The following SLITRK5 variants were observed in gnomAD, a reference collection of about 807,000 sequenced individuals.
SLITRK5 encodes the protein SLIT and NTRK like family member 5.
Under a neutral mutation model 56.2 loss-of-function variants are expected in SLITRK5, and 23 were observed. The ratio of observed to expected loss-of-function variants is 0.41; its 90% CI spans 0.29 to 0.58. SLITRK5 has a LOEUF of 0.58. Ranked by LOEUF, SLITRK5 falls within the 20% of genes least tolerant of loss-of-function variation. The pLI, the probability that SLITRK5 is intolerant of heterozygous loss-of-function variation, is 0.30. For missense variants in SLITRK5, 1,289 were observed against 1,226.6 expected (o/e 1.05, Z -0.76); for synonymous variants, 637 against 531.8 (o/e 1.20, Z -2.72).
Position 87,678,138 on chromosome 13 carries a change from A to ACAG in SLITRK5, c.2752_2754dup (p.Ser918dup), listed in dbSNP as rs1877381727. 5 of 1,614,110 alleles carry ACAG rather than the reference A, an allele frequency of 3.1e-6. No homozygotes were observed. The highest frequency in any genetic ancestry group is 3.3e-5 in the Admixed American group (2 of 60,014). On this transcript the variant is annotated inframe_insertion, in exon 2 of 2. Transcript: ENST00000683689. ...AGCAGGCTACGGGAACCGGTGCTCT[A>ACAG]CAGCCCCCCGAGTGCTGTCTTTGTA...
chr13:87,677,950 T>C lies in SLITRK5; in HGVS notation c.2562T>C (p.Phe854=), dbSNP rs1242182055. 2.5e-6 allele frequency: 4 copies of C among 1,613,914 alleles called. No individual in the cohort carries two copies. The South Asian group carries it at 3.3e-5, about 13-fold the overall frequency. Residue 854 remains phenylalanine, a synonymous_variant, in exon 2 of 2, where the codon TTT becomes TTC. Transcript: ENST00000683689. This position sits in a 1 kb window ranked among gnomAD's most constrained non-coding sequence, Gnocchi z 4.7. Reference sequence around the variant, plus strand: ...CGCCGGTGCAGGACGCCGACCGCTTTTACAGGGGCATTTTAGAACCAGACA... The same window carrying C: ...CGCCGGTGCAGGACGCCGACCGCTTCTACAGGGGCATTTTAGAACCAGACA... ...LLSPVQDADR[F]YRGILEPDKH...
At chr13:87,672,466 C>T (rs1449910091) in intron 1 of SLITRK5, 1 of 150,432 alleles carries the variant, frequency 6.6e-6, no homozygotes, top group African/African-American at 2.4e-5. Flanking sequence ...CGGCCCCTAC[C>T]GCGAGGCGCC....
At position 87,678,296 on chromosome 13, in the gene SLITRK5, T is replaced by A; in HGVS notation, c.*31T>A. Reference sequence around the variant, plus strand: ...AAGAAACTCTCTTGGAGCTTTTGCATTTAAAACAAACAAGCAAGCAGACAC... The same window carrying A: ...AAGAAACTCTCTTGGAGCTTTTGCAATTAAAACAAACAAGCAAGCAGACAC... On this transcript the variant is annotated 3_prime_UTR_variant, in exon 2 of 2. Coordinates refer to ENST00000683689, the MANE Select transcript of SLITRK5 (RefSeq NM_001384609.1). 1 of 1,553,632 alleles carries A rather than the reference T, an allele frequency of 6.4e-7. No homozygotes were observed. Among genetic ancestry groups the A allele is most frequent in the Non-Finnish European group, 8.7e-7 (1 of 1,146,828 alleles).
rs1040655794 is a variant in SLITRK5 at position 87,671,868 on chromosome 13, C to A, written c.-350C>A. 5.5e-4 allele frequency among the ~76,000 whole-genome samples: 84 copies of A among 152,134 alleles called. No individual in the cohort carries two copies. The highest frequency in any genetic ancestry group is 1.7e-3 in the African/African-American group (72 of 41,524). On this transcript the variant is annotated 5_prime_UTR_variant, in exon 1 of 2. Transcript: ENST00000683689. ...CGGTGGTCGCCGCTGCGCTGGGGGG[C>A]GGAGGACAGCGCAGGAGCTGCAGCC...
chr13:87,679,381 T>C lies in SLITRK5; in HGVS notation c.*1116T>C, dbSNP rs1052358640. On this transcript the variant is annotated 3_prime_UTR_variant, in exon 2 of 2. Coordinates refer to ENST00000683689, the MANE Select transcript of SLITRK5 (RefSeq NM_001384609.1). ...CTATTGTAGCCGATTTTCGATTGTT[T>C]AACCAAACCCAGTTGCATTTGTACA... The C allele has an allele frequency of 1.2e-5, 2 of 167,038 alleles. No individual in the cohort carries two copies. The highest frequency in any genetic ancestry group is 1.3e-4 in the Admixed American group (2 of 15,268). The allele number at this position is 167,038 out of a possible 1,614,324, so 10.3% of individuals were successfully genotyped here. A position where few individuals can be genotyped will look rare whatever the true frequency, so the allele number is the denominator to read the frequency against.
rs777044455 is a variant in SLITRK5, at chr13:87,677,626, C to G, written c.2238C>G (p.Gly746=). ...PALPKVKTPA[G]HVYEYIPHPL... The stretch of plus-strand genomic sequence containing the variant: ...TGCCCAAGGTGAAGACGCCCGCGGG[C>G]CACGTGTATGAATACATCCCCCACC... Residue 746 remains glycine (G), a synonymous_variant, in exon 2 of 2, where the codon GGC becomes GGG. Coordinates refer to ENST00000683689, the MANE Select transcript of SLITRK5 (RefSeq NM_001384609.1). This position sits in a 1 kb window ranked among gnomAD's most constrained non-coding sequence, Gnocchi z 4.7. 3.4e-5 allele frequency: 55 copies of G among 1,609,368 alleles called. No individual in the cohort carries two copies. Among genetic ancestry groups the G allele is most frequent in the Non-Finnish European group, 4.4e-5 (52 of 1,176,722 alleles).
Position 87,675,696 on chromosome 13 carries a change from A to G in SLITRK5, c.308A>G (p.Asn103Ser), listed in dbSNP as rs1877243132. The G allele has an allele frequency of 6.2e-7, 1 of 1,614,130 alleles. No homozygotes were observed. Among genetic ancestry groups the G allele is most frequent in the Non-Finnish European group, 8.5e-7 (1 of 1,180,026 alleles). Reference protein sequence around the residue: ...LNRLYPNEFVNYTGASILHLG... With the variant: ...LNRLYPNEFVSYTGASILHLG... ...CGTCTCTATCCCAATGAGTTTGTCA[A>G]TTACACTGGGGCTTCAATTTTGCAT... The change falls in exon 2 of 2, where the codon AAT becomes AGT. Residue 103 changes from asparagine to serine, a missense_variant. Around this residue, in one of 3 missense-constraint regions of SLITRK5, gnomAD observed 291 missense variants for 286.7 expected, o/e 1.02. Transcript: ENST00000683689.
chr13:87,672,892 TG>T, intron 1 of SLITRK5: 1 of 162,234 alleles, frequency 6.2e-6, no homozygotes, highest in African/African-American at 2.4e-5. Context: ...TGTGTGTGTG[TG>T]TGTGTGTGTG....
chr13:87,676,324 A>T lies in SLITRK5; in HGVS notation c.936A>T (p.Ser312=). ...TTGYLHTTPA[S]VNSVATSSSA... is the part of the protein sequence containing the mutation. ...GGTATTTACACACCACCCCGGCGTC[A>T]GTGAATTCTGTGGCCACTTCTTCCT... The change falls in exon 2 of 2, where the codon TCA becomes TCT. Residue 312 remains serine (S), a synonymous_variant. Transcript: ENST00000683689. 1 of 1,614,094 alleles carries T rather than the reference A, an allele frequency of 6.2e-7. No individual in the cohort carries two copies. Among genetic ancestry groups the T allele is most frequent in the South Asian group, 1.1e-5 (1 of 91,084 alleles).
chr13:87,677,016 T>C lies in SLITRK5; in HGVS notation c.1628T>C (p.Leu543Ser). ...CTGAGGAGTAACCACTTCACCTCCTTGCCAGTGAGTGGAGTTTTGGACCAG... is the reference window on the plus strand; with the variant it reads ...CTGAGGAGTAACCACTTCACCTCCTCGCCAGTGAGTGGAGTTTTGGACCAG... ...LNLRSNHFTS[L>S]PVSGVLDQLK... Residue 543 changes from leucine (L) to serine (S), a missense_variant, in exon 2 of 2, where the codon TTG becomes TCG. By Grantham distance (145) the Leu-to-Ser change is moderately radical (BLOSUM62 -2). Around this residue, in one of 3 missense-constraint regions of SLITRK5, gnomAD observed 985 missense variants for 906.0 expected, o/e 1.09. Coordinates refer to ENST00000683689, the MANE Select transcript of SLITRK5 (RefSeq NM_001384609.1). The surrounding 1 kb of genome is among the most constrained non-coding windows in gnomAD (Gnocchi z 4.7). 1 of 1,614,090 alleles carries C rather than the reference T, an allele frequency of 6.2e-7. No homozygotes were observed. The highest frequency in any genetic ancestry group is 8.5e-7 in the Non-Finnish European group (1 of 1,180,006).
Position 87,679,470 on chromosome 13 carries a change from C to A in SLITRK5, c.*1205C>A, listed in dbSNP as rs1016594851. The stretch of plus-strand genomic sequence containing the variant: ...GACTGTACAAGTCTCTATACAATGT[C>A]TTTATCCCTGTGGGCAGCAAGCAAT... On this transcript the variant is annotated 3_prime_UTR_variant, in exon 2 of 2. Transcript: ENST00000683689. 2 of 166,918 alleles carry A rather than the reference C, an allele frequency of 1.2e-5. No individual in the cohort carries two copies. The highest frequency in any genetic ancestry group is 4.8e-5 in the African/African-American group (2 of 41,420). The allele number at this position is 166,918 out of a possible 1,614,324, so 10.3% of individuals were successfully genotyped here. A position where few individuals can be genotyped will look rare whatever the true frequency, so the allele number is the denominator to read the frequency against.
Position 87,678,332 on chromosome 13 carries a change from C to T in SLITRK5, c.*67C>T, listed in dbSNP as rs1877392387. 1 of 1,395,136 alleles carries T rather than the reference C, an allele frequency of 7.2e-7. No homozygotes were observed. The highest frequency in any genetic ancestry group is 1.3e-5 in the South Asian group (1 of 74,126). 86.4% of individuals were successfully genotyped at this position (1,395,136 alleles called of 1,614,324 possible). On this transcript the variant is annotated 3_prime_UTR_variant, in exon 2 of 2. Coordinates refer to ENST00000683689, the MANE Select transcript of SLITRK5 (RefSeq NM_001384609.1). ...CAAGCAAGCAGACACACACAGTGAACACATTTGATTAATTGTGTTGTTTCA... is the reference window on the plus strand; with the variant it reads ...CAAGCAAGCAGACACACACAGTGAATACATTTGATTAATTGTGTTGTTTCA...
rs763921593 is a variant in SLITRK5 at position 87,676,792 on chromosome 13, G to A, written c.1404G>A (p.Arg468=). The A allele has an allele frequency of 1.2e-5, 19 of 1,613,966 alleles. No individual in the cohort carries two copies. The highest frequency in any genetic ancestry group is 1.4e-5 in the Non-Finnish European group (17 of 1,180,034). ...GGCGCCTCTACCTGAATGGCAACAG[G>A]ATCGAGAGGCTGAGCCCGGAGTTAT... ...NLRRLYLNGN[R]IERLSPELFY... is the part of the protein sequence containing the mutation. The change falls in exon 2 of 2, where the codon AGG becomes AGA. Residue 468 remains arginine (R), a synonymous_variant. Transcript: ENST00000683689.
At chr13:87,673,929 G>A (rs1243687673) in intron 1 of SLITRK5, among the ~76,000 whole-genome samples, 4 of 151,922 alleles carry the variant, frequency 2.6e-5, no homozygotes, top group Admixed American at 2.6e-4. Flanking sequence ...AAAAGGCATA[G>A]GTTCCTAGAG....
At position 87,677,255 on chromosome 13, in the gene SLITRK5, C is replaced by G. The variant is rs1391918381; in HGVS notation, c.1867C>G (p.Pro623Ala). ...PDYSDVVVST[P>A]TPSSIQVPAR... Reference sequence around the variant, plus strand: ...CTATTCAGATGTAGTAGTTTCCACGCCCACACCCTCCTCTATCCAGGTCCC... The same window carrying G: ...CTATTCAGATGTAGTAGTTTCCACGGCCACACCCTCCTCTATCCAGGTCCC... Residue 623 changes from proline (P) to alanine (A), a missense_variant, in exon 2 of 2, where the codon CCC becomes GCC. Pro to Ala is a conservative substitution (Grantham distance 27, BLOSUM62 -1). Transcript: ENST00000683689. The surrounding 1 kb of genome is among the most constrained non-coding windows in gnomAD (Gnocchi z 4.7). The G allele has an allele frequency of 6.2e-7, 1 of 1,614,180 alleles. No homozygotes were observed. The highest frequency in any genetic ancestry group is 8.5e-7 in the Non-Finnish European group (1 of 1,180,042).
Position 87,677,887 on chromosome 13 carries a change from C to T in SLITRK5, c.2499C>T (p.Tyr833=). 1 of 1,612,548 alleles carries T rather than the reference C, an allele frequency of 6.2e-7. No homozygotes were observed. The highest frequency in any genetic ancestry group is 1.1e-5 in the South Asian group (1 of 91,000). The part of the protein sequence containing the change: ...RESHHLRSPA[Y]SVSTIEPRED... ...GCCACCACTTGCGGAGCCCCGCCTA[C>T]AGCGTCAGCACCATCGAGCCCCGGG... Residue 833 remains tyrosine (Y), a synonymous_variant, in exon 2 of 2, where the codon TAC becomes TAT. Coordinates refer to ENST00000683689, the MANE Select transcript of SLITRK5 (RefSeq NM_001384609.1). The surrounding 1 kb of genome is among the most constrained non-coding windows in gnomAD (Gnocchi z 4.7).
In SLITRK5 at chr13:87,672,193, C is replaced by G. The variant is rs554528027; in HGVS notation, c.-25C>G. ...CAGCTGGGTCGGAGAAAGTTGCCCC[C>G]TATGCAGATGGCAACTGTGAGTACC... On this transcript the variant is annotated 5_prime_UTR_variant, in exon 1 of 2. Transcript: ENST00000683689. Among the ~76,000 whole-genome samples, 1 of 152,116 alleles carries G rather than the reference C, an allele frequency of 6.6e-6. No homozygotes were observed. Among genetic ancestry groups the G allele is most frequent in the East Asian group, 2.0e-4 (1 of 5,098 alleles).
Position 87,677,103 on chromosome 13 carries a change from T to A in SLITRK5, c.1715T>A (p.Val572Glu), listed in dbSNP as rs1033879661. 1 of 1,614,152 alleles carries A rather than the reference T, an allele frequency of 6.2e-7. No homozygotes were observed. The highest frequency in any genetic ancestry group is 8.5e-7 in the Non-Finnish European group (1 of 1,180,028). ...CCTTGGGATTGTACCTGTGACATTG[T>A]GGGCATGAAGCTGTGGGTGGAGCAG... The part of the protein sequence containing the change: ...DNPWDCTCDI[V>E]GMKLWVEQLK... The change falls in exon 2 of 2, where the codon GTG becomes GAG. Residue 572 changes from valine (V) to glutamate (E), a missense_variant. By Grantham distance (121) the Val-to-Glu change is moderately radical. This residue lies in a region of SLITRK5 where 985 missense variants were observed against 906.0 expected (regional missense o/e 1.09). Coordinates refer to ENST00000683689, the MANE Select transcript of SLITRK5 (RefSeq NM_001384609.1). The surrounding 1 kb of genome is among the most constrained non-coding windows in gnomAD (Gnocchi z 4.7).
chr13:87,677,765 C>T lies in SLITRK5; in HGVS notation c.2377C>T (p.Gln793Ter). The change falls in exon 2 of 2, where the codon CAG (glutamine) becomes TAG (stop). Residue 793 changes from glutamine (Q) to a stop codon, truncating the protein, a stop_gained. Coordinates refer to ENST00000683689, the MANE Select transcript of SLITRK5 (RefSeq NM_001384609.1). LOFTEE classifies it high-confidence loss of function. This position sits in a 1 kb window ranked among gnomAD's most constrained non-coding sequence, Gnocchi z 4.7. The part of the protein sequence containing the change: ...KVTYSSNHHL[Q>*]QQQQPPPPPQ... ...CACCTACAGCAGCAACCACCACCTG[C>T]AGCAGCAGCAGCAGCCGCCGCCGCC... The T allele has an allele frequency of 6.3e-7, 1 of 1,598,748 alleles. No individual in the cohort carries two copies. The highest frequency in any genetic ancestry group is 8.6e-7 in the Non-Finnish European group (1 of 1,168,690).
Sources: allele counts gnomAD v4.1 joint callset (sites outside exome capture counted in the v4.1 genomes callset), GRCh38; gene constraint gnomAD v4.1.1; regional missense constraint gnomAD v4.1.1; non-coding constraint Gnocchi (gnomAD v3.1); transcripts MANE v1.5; gene names NCBI Gene and HGNC (gene_info 2026-07-23, HGNC 2026-07-21).